The following PABPC1 variants were observed in gnomAD, a reference collection of about 807,000 sequenced individuals.
PABPC1 encodes poly(A) binding protein cytoplasmic 1, also known as polyadenylate-binding protein 1.
In PABPC1, 4 loss-of-function variants were observed where a neutral mutation model predicts 74.0. The observed-to-expected ratio is 0.05, with a 90% CI of 0.03 to 0.12. PABPC1 has a LOEUF of 0.12. PABPC1 is among the 10% of genes least tolerant of loss of function. The probability of loss-of-function intolerance (pLI) is 1.00; values close to 1 mark genes in which losing one functional copy is unlikely to be tolerated. For missense variants in PABPC1, 271 were observed against 821.1 expected, an observed-to-expected ratio of 0.33 and a Z score of 8.19; for synonymous variants, 227 against 264.1, an observed-to-expected ratio of 0.86 and a Z score of 1.36.
chr8:100,712,465 G>C lies in PABPC1; in HGVS notation c.877-8C>G. 1 of 1,352,362 alleles carries C rather than the reference G, an allele frequency of 7.4e-7. No individual in the cohort carries two copies. Among genetic ancestry groups the C allele is most frequent in the South Asian group, 1.4e-5 (1 of 72,116 alleles). 83.8% of individuals were successfully genotyped at this position (1,352,362 alleles called of 1,614,324 possible). A position where few individuals can be genotyped will look rare whatever the true frequency, so the allele number is the denominator to read the frequency against. ...CACATAAAGATTAACACCCTAAAAA[G>C]AAGAAAAGAAAACTATAGAAAAAGA... On this transcript the variant is annotated splice_polypyrimidine_tract_variant and splice_region_variant and intron_variant, in intron 6 of 14. Coordinates refer to ENST00000318607, the MANE Select transcript of PABPC1 (RefSeq NM_002568.4).
rs748301365 is a variant in PABPC1 at position 100,721,342 on chromosome 8, G to A, written c.193+49C>T. On this transcript the variant is annotated intron_variant, in intron 1 of 14. Coordinates refer to ENST00000318607, the MANE Select transcript of PABPC1 (RefSeq NM_002568.4). This position sits in a 1 kb window ranked among gnomAD's most constrained non-coding sequence, Gnocchi z 7.4. ...TACCCCGCCCGCCGCCGCCGCCCGAGCCTCATGGCCGCCCGCCCGCCCGGC... is the reference window on the plus strand; with the variant it reads ...TACCCCGCCCGCCGCCGCCGCCCGAACCTCATGGCCGCCCGCCCGCCCGGC... 5 of 1,145,598 alleles carry A rather than the reference G, an allele frequency of 4.4e-6. No individual in the cohort carries two copies. The Admixed American group carries it at 1.3e-4, about 29-fold the overall frequency. 71.0% of individuals were successfully genotyped at this position (1,145,598 alleles called of 1,614,324 possible).
chr8:100,709,411 G>T, intron 8 of PABPC1, 48 bp downstream of exon 8: 2 of 1,605,314 alleles, frequency 1.2e-6, no homozygotes, highest in South Asian at 2.2e-5. Context: ...CACTAGAAAT[G>T]ACCAAATACG....
chr8:100,713,693 G>A lies in PABPC1; in HGVS notation c.644-512C>T, dbSNP rs372595515. ...TGTAGAGATAGGGTCTTGCTATGTT[G>A]CCCGGGCTAGTCTAAAACTTGTGGC... On this transcript the variant is annotated intron_variant, in intron 4 of 14. Coordinates refer to ENST00000318607, the MANE Select transcript of PABPC1 (RefSeq NM_002568.4). 2.1e-4 allele frequency among the ~76,000 whole-genome samples: 32 copies of A among 152,170 alleles called. No individual in the cohort carries two copies. The South Asian group carries it at 5.2e-3, about 25-fold the overall frequency.
intron 11 of PABPC1, 112 bp from the exon 12 acceptor site, chr8:100,705,785 G>T: frequency 1.4e-6 from 1 of 728,340 alleles, no homozygotes; most frequent in Non-Finnish European, 2.4e-6. Context: ...AACATGAGGT[G>T]GAGAAGTTGA....
chr8:100,715,671 G>T, intron 3 of PABPC1, 70 bp from the exon 4 acceptor site: 1 of 1,118,894 alleles, frequency 8.9e-7, no homozygotes, highest in Non-Finnish European at 1.2e-6. Context: ...AAGCCTGATG[G>T]TTGGTTTTGT....
At chr8:100,718,369 A>AGGACACAT in intron 1 of PABPC1, 89 bp from the exon 2 acceptor site, 5 of 1,026,306 alleles carry the variant, frequency 4.9e-6, no homozygotes, top group Non-Finnish European at 7.2e-6. Flanking sequence ...CTGGAGTGGG[A>AGGACACAT]GGACACATGG....
Position 100,712,404 on chromosome 8 carries a change from G to C in PABPC1, c.930C>G (p.Leu310=), listed in dbSNP as rs1284251424. 23 of 1,609,336 alleles carry C rather than the reference G, an allele frequency of 1.4e-5. No individual in the cohort carries two copies. The highest frequency in any genetic ancestry group is 2.0e-5 in the Non-Finnish European group (23 of 1,177,052). The change falls in exon 7 of 15, where the codon CTC becomes CTG. Residue 310 remains leucine, a synonymous_variant. Coordinates refer to ENST00000318607, the MANE Select transcript of PABPC1 (RefSeq NM_002568.4). ...NLDDGIDDER[L]RKEFSPFGTI... ...TACCAAATGGAGAAAACTCTTTCCG[G>C]AGACGTTCATCATCAATACCATCAT...
At position 100,721,320 on chromosome 8, in the gene PABPC1, CCCGCCCGCCG is replaced by C. The variant is rs1035009865; in HGVS notation, c.193+61_193+70del. The C allele has an allele frequency of 5.5e-6, 5 of 907,568 alleles. No individual in the cohort carries two copies. In the African/African-American group the frequency reaches 9.0e-5, roughly 16 times the overall value. The allele number at this position is 907,568 out of a possible 1,614,324, so 56.2% of individuals were successfully genotyped here. The stretch of plus-strand genomic sequence containing the variant: ...CCCCTCCCCGGGCCCGCCGGCCTAC[CCCGCCCGCCG>C]CCGCCGCCCGAGCCTCATGGCCGCC... On this transcript the variant is annotated intron_variant, in intron 1 of 14. Coordinates refer to ENST00000318607, the MANE Select transcript of PABPC1 (RefSeq NM_002568.4). The surrounding 1 kb of genome is among the most constrained non-coding windows in gnomAD (Gnocchi z 7.4).
Position 100,709,743 on chromosome 8 carries a change from A to AC in PABPC1, c.973-13_973-12insG. The AC allele has an allele frequency of 6.3e-7, 1 of 1,580,322 alleles. No individual in the cohort carries two copies. Among genetic ancestry groups the AC allele is most frequent in the East Asian group, 2.2e-5 (1 of 44,472 alleles). The stretch of plus-strand genomic sequence containing the variant: ...CCCTCCATCATAACCTATTAAAAAA[A>AC]AGAAAAAAAAAGTTAACGTAATGGT... On this transcript the variant is annotated splice_polypyrimidine_tract_variant and intron_variant, in intron 7 of 14. Transcript: ENST00000318607.
rs1375826722 is a variant in PABPC1, at chr8:100,706,707, C to T, written c.1546G>A (p.Gly516Arg). The T allele has an allele frequency of 6.2e-7, 1 of 1,614,214 alleles. No homozygotes were observed. The highest frequency in any genetic ancestry group is 8.5e-7 in the Non-Finnish European group (1 of 1,180,010). Residue 516 changes from glycine to arginine, a missense_variant, in exon 11 of 15, where the codon GGA becomes AGA. Gly to Arg is a moderately radical substitution (Grantham distance 125). Coordinates refer to ENST00000318607, the MANE Select transcript of PABPC1 (RefSeq NM_002568.4). ...RTVPQYKYAA[G>R]VRNPQQHLNA... ...AGATGTTGCTGAGGATTGCGAACTC[C>T]TGCAGCATATTTATACTGTGGAACG...
chr8:100,711,979 T>C (rs894704898), intron 7 of PABPC1, among the ~76,000 whole-genome samples: 20 of 152,372 alleles, frequency 1.3e-4, no homozygotes, highest in Middle Eastern at 6.8e-3. Context: ...AAAGAAAATA[T>C]GATCTCTATT....
rs187049570 is a variant in PABPC1 at position 100,707,261 on chromosome 8, T to C, written c.1337-264A>G. The C allele has an allele frequency of 7.5e-3, 2,229 of 297,682 alleles. 18 individuals carry two copies. The highest frequency in any genetic ancestry group is 0.011 in the Non-Finnish European group (1,692 of 155,698). 18.4% of individuals were successfully genotyped at this position (297,682 alleles called of 1,614,324 possible). ...CTCCCTGTATGCAGCGACGAGAGAG[T>C]GCAGAAATAAAGACACGAGACACAG... On this transcript the variant is annotated intron_variant, in intron 9 of 14. Coordinates refer to ENST00000318607, the MANE Select transcript of PABPC1 (RefSeq NM_002568.4).
intron 3 of PABPC1, among the ~76,000 whole-genome samples, chr8:100,716,598 T>C (rs1230496527): frequency 2.0e-5 from 3 of 152,222 alleles, no homozygotes; most frequent in South Asian, 2.1e-4. Context: ...CAAAATATGG[T>C]TGGTCTTCGC....
intron 7 of PABPC1, 125 bp downstream of exon 7, chr8:100,712,237 T>TA (rs1810546949): frequency 1.7e-6 from 1 of 594,010 alleles, no homozygotes; most frequent in African/African-American, 1.9e-5. Flanking sequence ...AATGTGAATT[T>TA]AAGTTTTAGA....
At chr8:100,710,761 TG>T (rs1810507145) in intron 7 of PABPC1, among the ~76,000 whole-genome samples, 2 of 151,606 alleles carry the variant, frequency 1.3e-5, no homozygotes, top group East Asian at 2.0e-4. Flanking sequence ...CCAAGGCGGG[TG>T]GATCACCTGA....
chr8:100,717,915 C>A (rs371191955), intron 2 of PABPC1, 27 bp from the exon 3 acceptor site: 97 of 1,507,686 alleles, frequency 6.4e-5, no homozygotes, highest in African/African-American at 3.6e-4. Flanking sequence ...ACCCATTTTT[C>A]TTTATTTGCT....
At chr8:100,712,894 C>A (rs1014747114) in intron 5 of PABPC1, 105 bp from the exon 6 acceptor site, 2 of 1,332,234 alleles carry the variant, frequency 1.5e-6, no homozygotes, top group African/African-American at 3.0e-5. Context: ...AAGCTAAAGA[C>A]AAACCCATCC....
At position 100,703,298 on chromosome 8, in the gene PABPC1, T is replaced by A. The variant is rs899728412; in HGVS notation, c.*63A>T. 1.2e-5 allele frequency: 2 copies of A among 163,646 alleles called. No individual in the cohort carries two copies. The highest frequency in any genetic ancestry group is 4.8e-5 in the African/African-American group (2 of 41,454). 10.1% of individuals were successfully genotyped at this position (163,646 alleles called of 1,614,324 possible). A position where few individuals can be genotyped will look rare whatever the true frequency, so the allele number is the denominator to read the frequency against. On this transcript the variant is annotated 3_prime_UTR_variant, in exon 15 of 15. Coordinates refer to ENST00000318607, the MANE Select transcript of PABPC1 (RefSeq NM_002568.4). ...TTTTTTTTCCATAATATTTAAGTTT[T>A]TCGATGTTTAGATATTTTTCTTCGG...
chr8:100,711,592 C>G (rs1481098027), intron 7 of PABPC1, among the ~76,000 whole-genome samples: 2 of 152,234 alleles, frequency 1.3e-5, no homozygotes. Flanking sequence ...GGAATAAATT[C>G]TATCGTACTC....
Sources: allele counts gnomAD v4.1 joint callset (sites outside exome capture counted in the v4.1 genomes callset), GRCh38; gene constraint gnomAD v4.1.1; non-coding constraint Gnocchi (gnomAD v3.1); transcripts MANE v1.5; gene names NCBI Gene and HGNC (gene_info 2026-07-23, HGNC 2026-07-21).